Variants in EN2 observed in about 807,000 individuals in gnomAD.
EN2 encodes homeobox protein engrailed-2.
EN2 carries 7 observed loss-of-function variants against 25.0 expected under a neutral mutation model. The observed-to-expected ratio is 0.28, with a 90% CI of 0.16 to 0.53. EN2 has a LOEUF of 0.53. EN2 is among the 20% of genes least tolerant of loss of function. EN2 has a pLI of 0.96. For missense variants in EN2, 524 were observed against 501.8 expected, an observed-to-expected ratio of 1.04 and a Z score of -0.42; for synonymous variants, 277 against 243.3, an observed-to-expected ratio of 1.14 and a Z score of -1.29.
At chr7:155,461,985 T>A (rs3808332) in intron 1 of EN2, among the ~76,000 whole-genome samples, 1 of 152,096 alleles carries the variant, frequency 6.6e-6, no homozygotes, top group South Asian at 2.1e-4. Flanking sequence ...TCTCCTCCCC[T>A]CTCTCTCAGC....
At position 155,458,815 on chromosome 7, in the gene EN2, C is replaced by G; in HGVS notation, c.438C>G (p.Ala146=). The change falls in exon 1 of 2, where the codon GCC becomes GCG. Residue 146 remains alanine (A), a synonymous_variant. Coordinates refer to ENST00000297375, the MANE Select transcript of EN2 (RefSeq NM_001427.4). The stretch of plus-strand genomic sequence containing the variant: ...GCGCGGGCGGGCCGCTCCCAGCCGC[C>G]GGCAGCGACTCTCCGGGTGACGGGG... ...APGAGGPLPA[A]GSDSPGDGEG... is the part of the protein sequence containing the mutation. 7.1e-7 allele frequency: 1 copy of G among 1,416,264 alleles called. No individual in the cohort carries two copies. The highest frequency in any genetic ancestry group is 9.1e-7 in the Non-Finnish European group (1 of 1,097,774). 87.7% of individuals were successfully genotyped at this position (1,416,264 alleles called of 1,614,324 possible). A position where few individuals can be genotyped will look rare whatever the true frequency, so the allele number is the denominator to read the frequency against.
intron 1 of EN2, among the ~76,000 whole-genome samples, chr7:155,461,001 G>C (rs1223806368): frequency 6.6e-6 from 1 of 152,206 alleles, no homozygotes; most frequent in Non-Finnish European, 1.5e-5. Flanking sequence ...GGCCATGAGG[G>C]AGTGCTTGGC....
At chr7:155,459,686 C>T (rs1795673012) in intron 1 of EN2, among the ~76,000 whole-genome samples, 1 of 152,276 alleles carries the variant, frequency 6.6e-6, no homozygotes, top group Non-Finnish European at 1.5e-5. Context: ...GCCCTTTCCC[C>T]TTGGCTCCAC....
At position 155,458,555 on chromosome 7, in the gene EN2, C is replaced by T. The variant is rs1296423609; in HGVS notation, c.178C>T (p.His60Tyr). ...LPAVLQAPGN[H>Y]QHPHRITNFF... ...CGCGGTCCTGCAGGCGCCCGGCAAC[C>T]ACCAGCACCCGCACCGCATCACCAA... is the stretch of plus-strand genomic sequence containing the variant. Residue 60 changes from histidine (H) to tyrosine (Y), a missense_variant, in exon 1 of 2, where the codon CAC (histidine) becomes TAC (tyrosine). Coordinates refer to ENST00000297375, the MANE Select transcript of EN2 (RefSeq NM_001427.4). 2 of 1,430,096 alleles carry T rather than the reference C, an allele frequency of 1.4e-6. No individual in the cohort carries two copies. Among genetic ancestry groups the T allele is most frequent in the Non-Finnish European group, 9.2e-7 (1 of 1,086,920 alleles). The allele number at this position is 1,430,096 out of a possible 1,614,324, so 88.6% of individuals were successfully genotyped here.
chr7:155,462,785 AG>A lies in EN2; in HGVS notation c.*99del. ...GTATAAAGATTATACCAGCATTAAT[AG>A]TGAAAATATTGTGTATTAGCTAAGG... is the stretch of plus-strand genomic sequence containing the variant. On this transcript the variant is annotated 3_prime_UTR_variant, in exon 2 of 2. Transcript: ENST00000297375. 1 of 1,341,214 alleles carries A rather than the reference AG, an allele frequency of 7.5e-7. No homozygotes were observed. Among genetic ancestry groups the A allele is most frequent in the Non-Finnish European group, 9.9e-7 (1 of 1,005,786 alleles). 83.1% of individuals were successfully genotyped at this position (1,341,214 alleles called of 1,614,324 possible).
At position 155,458,395 on chromosome 7, in the gene EN2, C is replaced by A; in HGVS notation, c.18C>A (p.Pro6=). The A allele has an allele frequency of 7.6e-7, 1 of 1,318,918 alleles. No homozygotes were observed. Among genetic ancestry groups the A allele is most frequent in the East Asian group, 3.0e-5 (1 of 33,374 alleles). 81.7% of individuals were successfully genotyped at this position (1,318,918 alleles called of 1,614,324 possible). Residue 6 remains proline, a synonymous_variant, in exon 1 of 2, where the codon CCC becomes CCA. Transcript: ENST00000297375. MEEND[P]KPGEAAAAVE... Reference sequence around the variant, plus strand: ...TGAACAGCATGGAGGAGAATGACCCCAAGCCTGGCGAAGCAGCGGCGGCGG... The same window carrying A: ...TGAACAGCATGGAGGAGAATGACCCAAAGCCTGGCGAAGCAGCGGCGGCGG...
chr7:155,458,646 C>A lies in EN2; in HGVS notation c.269C>A (p.Ala90Glu), dbSNP rs1406059579. 2.1e-6 allele frequency: 3 copies of A among 1,412,250 alleles called. No homozygotes were observed. The highest frequency in any genetic ancestry group is 4.1e-4 in the Middle Eastern group (2 of 4,866). The allele number at this position is 1,412,250 out of a possible 1,614,324, so 87.5% of individuals were successfully genotyped here. A position where few individuals can be genotyped will look rare whatever the true frequency, so the allele number is the denominator to read the frequency against. ...GRRKDAGTCC[A>E]GAGGGRGGGA... ...CGAAAGGACGCGGGGACCTGCTGTG[C>A]GGGCGCGGGAGGAGGAAGGGGCGGC... Residue 90 changes from alanine (A) to glutamate (E), a missense_variant, in exon 1 of 2, where the codon GCG becomes GAG. Ala to Glu is a moderately radical substitution (Grantham distance 107). Coordinates refer to ENST00000297375, the MANE Select transcript of EN2 (RefSeq NM_001427.4).
chr7:155,458,844 G>T lies in EN2; in HGVS notation c.467G>T (p.Gly156Val). Reference protein sequence around the residue: ...AGSDSPGDGEGGSKTLSLHGG... With the variant: ...AGSDSPGDGEVGSKTLSLHGG... ...AGCGACTCTCCGGGTGACGGGGAAGGCGGCTCCAAGACGCTCTCGCTGCAC... is the reference window on the plus strand; with the variant it reads ...AGCGACTCTCCGGGTGACGGGGAAGTCGGCTCCAAGACGCTCTCGCTGCAC... Residue 156 changes from glycine to valine, a missense_variant, in exon 1 of 2, where the codon GGC (glycine) becomes GTC (valine). Transcript: ENST00000297375. The T allele has an allele frequency of 1.4e-6, 2 of 1,476,144 alleles. No individual in the cohort carries two copies. The highest frequency in any genetic ancestry group is 8.9e-7 in the Non-Finnish European group (1 of 1,122,652). The allele number at this position is 1,476,144 out of a possible 1,614,324, so 91.4% of individuals were successfully genotyped here.
chr7:155,462,274 C>A, intron 1 of EN2, 97 bp from the exon 2 acceptor site: 1 of 1,392,988 alleles, frequency 7.2e-7, no homozygotes, highest in Non-Finnish European at 9.7e-7. Context: ...TTGGGCGAGT[C>A]ACTTCCCTCT....
In EN2 at chr7:155,458,789, G is replaced by A. The variant is rs1051854215; in HGVS notation, c.412G>A (p.Gly138Ser). The change falls in exon 1 of 2, where the codon GGC becomes AGC. Residue 138 changes from glycine (G) to serine (S), a missense_variant. Physicochemically the swap from Gly to Ser is moderately conservative, Grantham distance 56. Coordinates refer to ENST00000297375, the MANE Select transcript of EN2 (RefSeq NM_001427.4). ...CCGGCAGAACCCGCCATGTGCGCCC[G>A]GCGCGGGCGGGCCGCTCCCAGCCGC... ...EPRQNPPCAP[G>S]AGGPLPAAGS... 10 of 1,389,456 alleles carry A rather than the reference G, an allele frequency of 7.2e-6. No individual in the cohort carries two copies. Among genetic ancestry groups the A allele is most frequent in the Admixed American group, 3.7e-5 (1 of 26,820 alleles). The allele number at this position is 1,389,456 out of a possible 1,614,324, so 86.1% of individuals were successfully genotyped here. A position where few individuals can be genotyped will look rare whatever the true frequency, so the allele number is the denominator to read the frequency against.
At position 155,461,983 on chromosome 7, in the gene EN2, C is replaced by T. The variant is rs182400965; in HGVS notation, c.686-388C>T. Among the ~76,000 whole-genome samples the T allele has an allele frequency of 3.7e-3, 562 of 152,336 alleles. 1 individual carries two copies. Among genetic ancestry groups the T allele is most frequent in the African/African-American group, 0.013 (523 of 41,576 alleles). ...AGCCTTTCCCAGTCTTCTCTCCTCC[C>T]CTCTCTCTCAGCACCTACCGCCATC... is the stretch of plus-strand genomic sequence containing the variant. On this transcript the variant is annotated intron_variant, in intron 1 of 1. Coordinates refer to ENST00000297375, the MANE Select transcript of EN2 (RefSeq NM_001427.4).
At position 155,463,534 on chromosome 7, in the gene EN2, C is replaced by T. The variant is rs1400921832; in HGVS notation, c.*847C>T. ...TTTCCTCCTCCTCCTCACCAAGGGC[C>T]CAACCGTGTGCATACATCGTCTGCG... On this transcript the variant is annotated 3_prime_UTR_variant, in exon 2 of 2. Coordinates refer to ENST00000297375, the MANE Select transcript of EN2 (RefSeq NM_001427.4). 1 of 152,906 alleles carries T rather than the reference C, an allele frequency of 6.5e-6. No individual in the cohort carries two copies. Among genetic ancestry groups the T allele is most frequent in the African/African-American group, 2.4e-5 (1 of 41,404 alleles). 9.5% of individuals were successfully genotyped at this position (152,906 alleles called of 1,614,324 possible).
At chr7:155,460,263 C>A (rs920917888) in intron 1 of EN2, among the ~76,000 whole-genome samples, 8 of 152,176 alleles carry the variant, frequency 5.3e-5, no homozygotes, top group African/African-American at 1.9e-4. Context: ...CTTTGTGCGG[C>A]GCGGGAGTTC....
Position 155,458,459 on chromosome 7 carries a change from G to A in EN2, c.82G>A (p.Gly28Ser), listed in dbSNP as rs755989792. Residue 28 changes from glycine (G) to serine (S), a missense_variant, in exon 1 of 2, where the codon GGC becomes AGC. Gly to Ser is a moderately conservative substitution (Grantham distance 56). Coordinates refer to ENST00000297375, the MANE Select transcript of EN2 (RefSeq NM_001427.4). ...QRQPESSPGG[G>S]SGGGGGSSPG... ...GCAGCCGGAATCCAGCCCCGGCGGC[G>A]GCTCGGGCGGCGGCGGCGGTAGCAG... 6.1e-6 allele frequency: 8 copies of A among 1,302,786 alleles called. No individual in the cohort carries two copies. In the East Asian group the frequency reaches 1.9e-4, roughly 31 times the overall value. 80.7% of individuals were successfully genotyped at this position (1,302,786 alleles called of 1,614,324 possible).
intron 1 of EN2, 104 bp from the exon 2 acceptor site, chr7:155,462,267 G>T: frequency 7.5e-7 from 1 of 1,335,834 alleles, no homozygotes; most frequent in Non-Finnish European, 1.0e-6. Context: ...AGTGGCCTTG[G>T]GCGAGTCACT....
At chr7:155,459,298 C>CTTCT (rs1795668532) in intron 1 of EN2, among the ~76,000 whole-genome samples, 1 of 152,202 alleles carries the variant, frequency 6.6e-6, no homozygotes, top group South Asian at 2.1e-4. Flanking sequence ...CAGAAGGGAC[C>CTTCT]TTCTTTCTTT....
chr7:155,459,162 G>C, intron 1 of EN2, 100 bp downstream of exon 1: 1 of 1,251,510 alleles, frequency 8.0e-7, no homozygotes, highest in Non-Finnish European at 1.1e-6. Context: ...AAAACATCTC[G>C]AACCTCCCCC....
chr7:155,462,322 G>A, intron 1 of EN2, 49 bp from the exon 2 acceptor site: 2 of 1,545,552 alleles, frequency 1.3e-6, no homozygotes, highest in Non-Finnish European at 1.7e-6. Flanking sequence ...CTATTGGGTG[G>A]CACACCTCTG....
chr7:155,460,472 A>T (rs771795415), intron 1 of EN2, among the ~76,000 whole-genome samples: 7 of 151,954 alleles, frequency 4.6e-5, no homozygotes, highest in Admixed American at 1.3e-4. Flanking sequence ...TGTTTCTGAG[A>T]CTCCTAAGTA....
Sources: gnomAD v4.1 joint callset for allele counts (sites outside exome capture counted in the v4.1 genomes callset) on GRCh38, gnomAD v4.1.1 for gene constraint, MANE v1.5 for transcripts, NCBI Gene and HGNC (gene_info 2026-07-23, HGNC 2026-07-21) for gene names.